KCNH1: variants seen among roughly 807,000 people sequenced by gnomAD.
The protein encoded by KCNH1 is potassium voltage-gated channel subfamily H member 1.
KCNH1 carries 27 observed loss-of-function variants against 69.2 expected under a neutral mutation model. The observed-to-expected ratio is 0.39, with a 90% CI of 0.29 to 0.54. The LOEUF (loss-of-function observed/expected upper bound fraction) is 0.54, where lower values mean the gene tolerates loss of function less well. Ranked by LOEUF, KCNH1 falls within the 20% of genes least tolerant of loss-of-function variation. The pLI is 0.68. For synonymous variants in KCNH1, 456 were observed against 487.7 expected (o/e 0.93, Z 0.86); for missense variants, 798 against 1,261.6 (o/e 0.63, Z 5.57).
chr1:210,831,027 C>T (rs1685151069), intron 7 of KCNH1, among the ~76,000 whole-genome samples: 2 of 152,174 alleles, frequency 1.3e-5, no homozygotes, highest in South Asian at 4.1e-4. Flanking sequence ...AAAACTGCTA[C>T]AGAGCTTTAA....
At chr1:210,841,524 G>T (rs1685411203) in intron 7 of KCNH1, among the ~76,000 whole-genome samples, 1 of 152,158 alleles carries the variant, frequency 6.6e-6, no homozygotes, top group Admixed American at 6.6e-5. Context: ...TAGATTAAAT[G>T]TAGATATTCT....
intron 6 of KCNH1, among the ~76,000 whole-genome samples, chr1:210,942,706 T>A (rs1163600070): frequency 1.3e-5 from 2 of 151,914 alleles, no homozygotes; most frequent in Non-Finnish European, 1.5e-5. Context: ...GATCCTAGAC[T>A]TTTGCTTCAG....
At chr1:210,832,928 A>ATATATATATAT (rs1269090752) in intron 7 of KCNH1, among the ~76,000 whole-genome samples, 3 of 149,092 alleles carry the variant, frequency 2.0e-5, no homozygotes, top group Non-Finnish European at 4.5e-5. Context: ...ATATACATAT[A>ATATATATATAT]AATTGAATTT....
chr1:210,692,561 T>G (rs1439499122), intron 10 of KCNH1, among the ~76,000 whole-genome samples: 1 of 152,146 alleles, frequency 6.6e-6, no homozygotes, highest in African/African-American at 2.4e-5. Context: ...TGGCCTTATT[T>G]GGAATAAGGT....
chr1:211,120,280 C>G (rs1691662541), intron 1 of KCNH1, among the ~76,000 whole-genome samples: 1 of 151,510 alleles, frequency 6.6e-6, no homozygotes, highest in Non-Finnish European at 1.5e-5. Flanking sequence ...ACCTCTGTCT[C>G]CTGGGTTCAA....
At chr1:211,065,696 T>C (rs1690517326) in intron 5 of KCNH1, among the ~76,000 whole-genome samples, 1 of 152,224 alleles carries the variant, frequency 6.6e-6, no homozygotes, top group Non-Finnish European at 1.5e-5. Flanking sequence ...GATTTAGCCA[T>C]TCTACAATGT....
chr1:210,962,293 T>C (rs1688309858), intron 6 of KCNH1, among the ~76,000 whole-genome samples: 1 of 152,220 alleles, frequency 6.6e-6, no homozygotes, highest in Admixed American at 6.5e-5. Flanking sequence ...GATTGTCTGA[T>C]ACCTGATGGT....
rs34132386 is a variant in KCNH1, at chr1:211,026,376, C to CAA, written c.559-7122_559-7121dup. Among the ~76,000 whole-genome samples, 206 of 72,642 alleles carry CAA rather than the reference C, an allele frequency of 2.8e-3. 6 individuals carry two copies. The East Asian group carries it at 0.049, about 17-fold the overall frequency. 47.7% of individuals were successfully genotyped at this position (72,642 alleles called of 152,430 possible). ...ACCTGGAAACTCCAAGGAGTATAGA[C>CAA]AAAAAAAAAAAAAAAAAAACAACCA... On this transcript the variant is annotated intron_variant, in intron 5 of 10. Coordinates refer to ENST00000271751, the MANE Select transcript of KCNH1 (RefSeq NM_172362.3).
At chr1:210,891,337 C>T (rs1002039445) in intron 7 of KCNH1, among the ~76,000 whole-genome samples, 1 of 152,016 alleles carries the variant, frequency 6.6e-6, no homozygotes, top group Admixed American at 6.6e-5. Flanking sequence ...GGGAACTGAA[C>T]AATGAGAACA....
chr1:210,774,371 G>A (rs972903235), intron 10 of KCNH1, among the ~76,000 whole-genome samples: 10 of 152,124 alleles, frequency 6.6e-5, no homozygotes, highest in African/African-American at 2.4e-4. Context: ...TGAAGGCAAA[G>A]TACTGACTTA....
In KCNH1 at chr1:210,740,704, ATTTT is replaced by A. The variant is rs199727493; in HGVS notation, c.2112+34640_2112+34643del. On this transcript the variant is annotated intron_variant, in intron 10 of 10. Coordinates refer to ENST00000271751, the MANE Select transcript of KCNH1 (RefSeq NM_172362.3). ...GTCTCTGATTAAATTTTATGATTAA[ATTTT>A]TTTTTTTTTTTTTTTTTTTTTTTTA... Among the ~76,000 whole-genome samples, 88 of 117,240 alleles carry A rather than the reference ATTTT, an allele frequency of 7.5e-4. 1 individual carries two copies. Among genetic ancestry groups the A allele is most frequent in the African/African-American group, 2.8e-3 (83 of 29,582 alleles). The allele number at this position is 117,240 out of a possible 152,430, so 76.9% of individuals were successfully genotyped here.
chr1:210,853,946 C>CAAAAA lies in KCNH1; in HGVS notation c.1463-49785_1463-49781dup, dbSNP rs11445997. Among the ~76,000 whole-genome samples, 42 of 61,520 alleles carry CAAAAA rather than the reference C, an allele frequency of 6.8e-4. 1 individual carries two copies. The highest frequency in any genetic ancestry group is 2.7e-3 in the South Asian group (4 of 1,458). The allele number at this position is 61,520 out of a possible 152,430, so 40.4% of individuals were successfully genotyped here. A position where few individuals can be genotyped will look rare whatever the true frequency, so the allele number is the denominator to read the frequency against. On this transcript the variant is annotated intron_variant, in intron 7 of 10. Coordinates refer to ENST00000271751, the MANE Select transcript of KCNH1 (RefSeq NM_172362.3). Reference sequence around the variant, plus strand: ...TAGCAGTAAAAGCATTTATCTAAGCCAAAAAAAAAAAAAAAAAAAAAAGAA... The same window carrying CAAAAA: ...TAGCAGTAAAAGCATTTATCTAAGCCAAAAAAAAAAAAAAAAAAAAAAAAAAAGAA...
intron 6 of KCNH1, among the ~76,000 whole-genome samples, chr1:210,981,901 G>C (rs183057477): frequency 1.4e-4 from 22 of 152,106 alleles, no homozygotes; most frequent in Non-Finnish European, 2.6e-4. Context: ...TGTATGTGTG[G>C]TCACATGTAT....
At position 211,034,205 on chromosome 1, in the gene KCNH1, T is replaced by C. The variant is rs544462236; in HGVS notation, c.559-14949A>G. Among the ~76,000 whole-genome samples, 16 of 152,204 alleles carry C rather than the reference T, an allele frequency of 1.1e-4. No homozygotes were observed. In the South Asian group the frequency reaches 3.3e-3, roughly 32 times the overall value. On this transcript the variant is annotated intron_variant, in intron 5 of 10. Transcript: ENST00000271751. ...ATCCAAATATCCTTCAACAGATAAA[T>C]GGTTAAACTGTGTTGCTTCTATATA...
At chr1:210,792,067 C>T (rs550207864) in intron 9 of KCNH1, among the ~76,000 whole-genome samples, 1 of 152,236 alleles carries the variant, frequency 6.6e-6, no homozygotes, top group East Asian at 1.9e-4. Flanking sequence ...TGGCTCTTCC[C>T]ATCTTCTTTC....
chr1:211,019,293 A>G (rs1302963482), intron 5 of KCNH1, 37 bp from the exon 6 acceptor site: 1 of 1,364,470 alleles, frequency 7.3e-7, no homozygotes, highest in South Asian at 1.3e-5. Context: ...GAACTAAGTT[A>G]GGATTTAATT....
chr1:210,687,635 T>C (rs914790798), intron 10 of KCNH1, among the ~76,000 whole-genome samples: 5 of 152,228 alleles, frequency 3.3e-5, no homozygotes, highest in Non-Finnish European at 7.3e-5. Flanking sequence ...TTTACAGAGC[T>C]GATGTGGTCT....
rs193077019 is a variant in KCNH1 at position 210,685,111 on chromosome 1, G to A, written c.2113-973C>T. ...CAGACTCATGAATTTGGCCCTGAGT[G>A]CAGCATAAGCCACAGCTTACAGGGC... On this transcript the variant is annotated intron_variant, in intron 10 of 10. Transcript: ENST00000271751. 1.8e-4 allele frequency among the ~76,000 whole-genome samples: 28 copies of A among 152,324 alleles called. 1 individual carries two copies. The highest frequency in any genetic ancestry group is 4.1e-4 in the South Asian group (2 of 4,830).
chr1:211,068,418 C>T (rs768516763), intron 5 of KCNH1, among the ~76,000 whole-genome samples: 3 of 151,382 alleles, frequency 2.0e-5, no homozygotes, highest in Non-Finnish European at 4.4e-5. Flanking sequence ...TTTTTTGAGA[C>T]GGAGTCTTGC....
Sources: gnomAD v4.1 joint callset for allele counts (sites outside exome capture counted in the v4.1 genomes callset) on GRCh38, gnomAD v4.1.1 for gene constraint, MANE v1.5 for transcripts, NCBI Gene and HGNC (gene_info 2026-07-23, HGNC 2026-07-21) for gene names.